Variants in MSRA observed in about 807,000 individuals in gnomAD.
MSRA encodes the protein mitochondrial peptide methionine sulfoxide reductase.
A neutral mutation model predicts 31.3 loss-of-function variants in MSRA; 54 were observed. The ratio of observed to expected loss-of-function variants is 1.73; its 90% CI spans 1.39 to 2.17. MSRA has a LOEUF of 2.17. MSRA is among the 30% of genes most tolerant of loss of function. The pLI, the probability that MSRA is intolerant of heterozygous loss-of-function variation, is 0.00. For missense variants in MSRA, 507 were observed against 300.9 expected, an observed-to-expected ratio of 1.69 and a Z score of -5.07; for synonymous variants, 169 against 116.5, an observed-to-expected ratio of 1.45 and a Z score of -2.90.
chr8:10,366,815 C>A (rs1272714500), intron 5 of MSRA, among the ~76,000 whole-genome samples: 1 of 152,122 alleles, frequency 6.6e-6, no homozygotes, highest in African/African-American at 2.4e-5. Flanking sequence ...CAGTAAATTG[C>A]TGAGATGACG....
rs147152466 is a variant in MSRA, at chr8:10,290,584, C to G, written c.332-10950C>G. Among the ~76,000 whole-genome samples, 340 of 152,298 alleles carry G rather than the reference C, an allele frequency of 2.2e-3. 1 individual carries two copies. The highest frequency in any genetic ancestry group is 7.9e-3 in the African/African-American group (330 of 41,568). On this transcript the variant is annotated intron_variant, in intron 3 of 5. Coordinates refer to ENST00000317173, the MANE Select transcript of MSRA (RefSeq NM_012331.5). ...ATGCATATGCCAGGCCTGCCCCCAG[C>G]TCTCCTGTATCGGAATTCCATTGGT... is the stretch of plus-strand genomic sequence containing the variant.
chr8:10,251,635 G>C (rs999027429), intron 3 of MSRA, among the ~76,000 whole-genome samples: 4 of 152,080 alleles, frequency 2.6e-5, no homozygotes, highest in African/African-American at 9.7e-5. Flanking sequence ...AGAGACCCTT[G>C]ACTCATACCC....
intron 1 of MSRA, among the ~76,000 whole-genome samples, chr8:10,089,087 A>C (rs1798729251): frequency 6.6e-6 from 1 of 152,108 alleles, no homozygotes; most frequent in Non-Finnish European, 1.5e-5. Flanking sequence ...AAAGTTAATA[A>C]AATTGTATTA....
intron 1 of MSRA, among the ~76,000 whole-genome samples, chr8:10,067,190 G>C (rs1374147297): frequency 1.3e-5 from 2 of 152,028 alleles, no homozygotes; most frequent in African/African-American, 4.8e-5. Flanking sequence ...CCCTTCCCAA[G>C]AACCCCTTGC....
intron 3 of MSRA, among the ~76,000 whole-genome samples, chr8:10,263,896 T>G (rs1341716718): frequency 6.6e-6 from 1 of 152,248 alleles, no homozygotes; most frequent in Non-Finnish European, 1.5e-5. Flanking sequence ...TAAGATTTGG[T>G]CATTTTAAAA....
At chr8:10,301,508 C>G (rs771853680) in intron 3 of MSRA, 26 bp from the exon 4 acceptor site, 1 of 1,572,446 alleles carries the variant, frequency 6.4e-7, no homozygotes. Context: ...CAGTAAATTT[C>G]GGTTGTACGT....
At chr8:10,176,678 G>A (rs1806080390) in intron 1 of MSRA, among the ~76,000 whole-genome samples, 1 of 152,166 alleles carries the variant, frequency 6.6e-6, no homozygotes, top group African/African-American at 2.4e-5. Context: ...ATACTTCTGT[G>A]CAAAGGCCAT....
At chr8:10,335,097 C>T (rs528039540) in intron 5 of MSRA, among the ~76,000 whole-genome samples, 7 of 152,208 alleles carry the variant, frequency 4.6e-5, no homozygotes, top group Admixed American at 1.3e-4. Context: ...AGGGACCGCC[C>T]CCCGCACCGT....
intron 1 of MSRA, among the ~76,000 whole-genome samples, chr8:10,065,851 C>G (rs968301288): frequency 6.6e-6 from 1 of 152,052 alleles, no homozygotes; most frequent in Non-Finnish European, 1.5e-5. Context: ...TGCTATCAGC[C>G]TCTGGTTTCT....
intron 1 of MSRA, among the ~76,000 whole-genome samples, chr8:10,115,472 C>T (rs1800609693): frequency 6.6e-6 from 1 of 152,192 alleles, no homozygotes; most frequent in African/African-American, 2.4e-5. Context: ...CCCTCCAGCA[C>T]CTCGATGTTT....
intron 1 of MSRA, among the ~76,000 whole-genome samples, chr8:10,150,642 G>C (rs1053719304): frequency 1.8e-4 from 28 of 152,112 alleles, no homozygotes; most frequent in African/African-American, 6.8e-4. Flanking sequence ...GGCCTCGTTT[G>C]ATTGACAGAT....
chr8:10,290,333 G>T (rs1370798905), intron 3 of MSRA, among the ~76,000 whole-genome samples: 1 of 152,116 alleles, frequency 6.6e-6, no homozygotes, highest in Non-Finnish European at 1.5e-5. Flanking sequence ...GAATTAGAGA[G>T]TGCCCTGTCT....
intron 5 of MSRA, among the ~76,000 whole-genome samples, chr8:10,388,278 A>G (rs11774221): frequency 0.19 from 28,637 of 152,194 alleles, 3,250 homozygotes; most frequent in Non-Finnish European, 0.27. Flanking sequence ...TTCGTGTTGC[A>G]GACTTGAGGC....
intron 4 of MSRA, 22 bp downstream of exon 4, chr8:10,301,660 T>C (rs766709191): frequency 4.2e-5 from 66 of 1,571,178 alleles, no homozygotes; most frequent in Middle Eastern, 3.3e-4. Context: ...AGTGAGCCAG[T>C]ATTTAATTAT....
chr8:10,140,065 C>T (rs1474323176), intron 1 of MSRA, among the ~76,000 whole-genome samples: 1 of 152,162 alleles, frequency 6.6e-6, no homozygotes, highest in Non-Finnish European at 1.5e-5. Context: ...GCGAGGGAAA[C>T]AGGGAAACCT....
intron 1 of MSRA, among the ~76,000 whole-genome samples, chr8:10,066,008 T>G (rs769965561): frequency 1.7e-4 from 26 of 148,986 alleles, no homozygotes; most frequent in Non-Finnish European, 3.1e-4. Context: ...ATTATTAATA[T>G]AACTTAATAT....
chr8:10,350,342 C>T (rs912240703), intron 5 of MSRA, among the ~76,000 whole-genome samples: 36 of 152,226 alleles, frequency 2.4e-4, no homozygotes, highest in Non-Finnish European at 2.2e-4. Context: ...AGTCTTCGGC[C>T]GCTGCATGCA....
chr8:10,260,345 G>T (rs1798409686), intron 3 of MSRA, among the ~76,000 whole-genome samples: 1 of 152,152 alleles, frequency 6.6e-6, no homozygotes, highest in Non-Finnish European at 1.5e-5. Context: ...AATGAAAGTG[G>T]AGTGAGAAAG....
intron 1 of MSRA, among the ~76,000 whole-genome samples, chr8:10,145,211 C>G (rs907667994): frequency 2.0e-5 from 3 of 152,130 alleles, no homozygotes; most frequent in Non-Finnish European, 4.4e-5. Context: ...ACCGTCCGAT[C>G]GGAGCACCTG....
Sources: gnomAD v4.1 joint callset for allele counts (sites outside exome capture counted in the v4.1 genomes callset) on GRCh38, gnomAD v4.1.1 for gene constraint, MANE v1.5 for transcripts, NCBI Gene and HGNC (gene_info 2026-07-23, HGNC 2026-07-21) for gene names.